TAF4B: variants seen among roughly 807,000 people sequenced by gnomAD.
The protein encoded by TAF4B is transcription initiation factor TFIID subunit 4B.
TAF4B carries 38 observed loss-of-function variants against 86.4 expected under a neutral mutation model. The observed-to-expected ratio is 0.44, with a 90% confidence interval of 0.34 to 0.58. TAF4B has a LOEUF of 0.58. TAF4B is among the 20% of genes least tolerant of loss of function. The pLI is 0.02. For synonymous variants in TAF4B, 388 were observed against 391.2 expected, an observed-to-expected ratio of 0.99 and a Z score of 0.10; for missense variants, 988 against 1,027.6, an observed-to-expected ratio of 0.96 and a Z score of 0.53.
chr18:26,285,217 T>TTTTTGTTTTTGTTTTTGTTTTTG, intron 6 of TAF4B, among the ~76,000 whole-genome samples: 1 of 109,568 alleles, frequency 9.1e-6, no homozygotes, highest in Admixed American at 9.2e-5. Context: ...TTCCTTTTTT[T>TTTTTGTTTTTGTTTTTGTTTTTG]TTTTGTTTTT....
intron 9 of TAF4B, among the ~76,000 whole-genome samples, chr18:26,300,878 G>GT (rs57743777): frequency 0.35 from 53,507 of 150,812 alleles, 11,565 homozygotes; most frequent in East Asian, 0.81. Flanking sequence ...CCTTTTGCTT[G>GT]TTTTTTCCTT....
chr18:26,235,107 A>C (rs1260793843), intron 1 of TAF4B, among the ~76,000 whole-genome samples: 1 of 151,972 alleles, frequency 6.6e-6, no homozygotes, highest in African/African-American at 2.4e-5. Context: ...GTATAAAGAG[A>C]AGTTTTGTCC....
At chr18:26,366,912 C>T (rs193058554) in intron 14 of TAF4B, among the ~76,000 whole-genome samples, 126 of 152,220 alleles carry the variant, frequency 8.3e-4, no homozygotes, top group African/African-American at 2.6e-3. Flanking sequence ...CTTCATTAGT[C>T]CTCACAATTC....
At chr18:26,295,103 A>G (rs2056645819) in intron 9 of TAF4B, 1 of 185,258 alleles carries the variant, frequency 5.4e-6, no homozygotes, top group African/African-American at 2.4e-5. Context: ...ATATATTTTA[A>G]CTGCATAATT....
At chr18:26,360,159 G>C (rs2057319022) in intron 14 of TAF4B, among the ~76,000 whole-genome samples, 1 of 152,068 alleles carries the variant, frequency 6.6e-6, no homozygotes, top group Non-Finnish European at 1.5e-5. Context: ...TGTTGCTCAT[G>C]ATTTTTATTA....
chr18:26,273,762 A>T (rs932171094), intron 3 of TAF4B, among the ~76,000 whole-genome samples: 5 of 152,046 alleles, frequency 3.3e-5, no homozygotes, highest in Non-Finnish European at 7.4e-5. Context: ...AATGTGGGAG[A>T]TTTTATTGTA....
chr18:26,260,082 C>G (rs1257152294), intron 1 of TAF4B, among the ~76,000 whole-genome samples: 1 of 152,200 alleles, frequency 6.6e-6, no homozygotes, highest in East Asian at 1.9e-4. Context: ...TAAATGTCTT[C>G]TTTTGAGAAG....
Position 26,321,213 on chromosome 18 carries a change from A to T in TAF4B, c.2133+13A>T. The T allele has an allele frequency of 6.2e-7, 1 of 1,613,426 alleles. No individual in the cohort carries two copies. Among genetic ancestry groups the T allele is most frequent in the Non-Finnish European group, 8.5e-7 (1 of 1,179,572 alleles). On this transcript the variant is annotated intron_variant, in intron 11 of 14. Transcript: ENST00000269142. ...GACTACTTACAAGGTAAAGGAAATC[A>T]TTAAAGAAGTATAAACTCTCGAGTG...
At chr18:26,302,287 T>TA (rs1317997434) in intron 9 of TAF4B, among the ~76,000 whole-genome samples, 1 of 151,874 alleles carries the variant, frequency 6.6e-6, no homozygotes, top group Admixed American at 6.6e-5. Context: ...GATTAATACT[T>TA]ATGCCTTATT....
chr18:26,315,161 T>TCTCTCTCTCA lies in TAF4B; in HGVS notation c.1833-67_1833-66insTCTCTCTCAC, dbSNP rs1282068871. On this transcript the variant is annotated intron_variant, in intron 9 of 14. Transcript: ENST00000269142. ...CTCTCTCTCTGTCTCTCTCTCTCTC[T>TCTCTCTCTCA]CACACACACACACACACACACACAC... 1.4e-3 allele frequency: 317 copies of TCTCTCTCTCA among 222,876 alleles called. 5 individuals carry two copies. The highest frequency in any genetic ancestry group is 4.5e-3 in the East Asian group (47 of 10,378). The allele number at this position is 222,876 out of a possible 1,614,324, so 13.8% of individuals were successfully genotyped here. A position where few individuals can be genotyped will look rare whatever the true frequency, so the allele number is the denominator to read the frequency against.
At chr18:26,325,016 A>G (rs2056992823) in intron 11 of TAF4B, among the ~76,000 whole-genome samples, 1 of 152,188 alleles carries the variant, frequency 6.6e-6, no homozygotes. Flanking sequence ...AAAAAAGTGA[A>G]ATCCCCCCAT....
intron 14 of TAF4B, among the ~76,000 whole-genome samples, chr18:26,385,804 T>C (rs1978337816): frequency 6.6e-6 from 1 of 151,640 alleles, no homozygotes; most frequent in Admixed American, 6.6e-5. Context: ...GGGAAAGGAC[T>C]TGGTGAGGCA....
At position 26,286,437 on chromosome 18, in the gene TAF4B, C is replaced by T. The variant is rs2056524611; in HGVS notation, c.1528C>T (p.Gln510Ter). Reference sequence around the variant, plus strand: ...GACTCCAGTTCAAATCAAACTTGCCCAGCCGGGCCCTGTCCTTTCACAACC... The same window carrying T: ...GACTCCAGTTCAAATCAAACTTGCCTAGCCGGGCCCTGTCCTTTCACAACC... ...IGTPVQIKLA[Q>*]PGPVLSQPAG... The change falls in exon 7 of 15, where the codon CAG becomes TAG. Residue 510 changes from glutamine to a stop codon, truncating the protein, a stop_gained. Transcript: ENST00000269142. LOFTEE classifies it high-confidence loss of function. The T allele has an allele frequency of 6.2e-7, 1 of 1,614,158 alleles. No homozygotes were observed.
intron 14 of TAF4B, among the ~76,000 whole-genome samples, chr18:26,376,226 C>CAA (rs200383120): frequency 1.3e-3 from 161 of 125,154 alleles, no homozygotes; most frequent in Admixed American, 3.4e-3. Flanking sequence ...TAATTTCAAC[C>CAA]AAAAAAAAAA....
chr18:26,361,015 G>A (rs879866952), intron 14 of TAF4B, among the ~76,000 whole-genome samples: 8 of 152,010 alleles, frequency 5.3e-5, no homozygotes, highest in Admixed American at 4.6e-4. Context: ...AGCACTGCAG[G>A]ACTGCCCAAT....
In TAF4B at chr18:26,390,098, C is replaced by G. The variant is rs1459459934; in HGVS notation, c.*86C>G. 1 of 1,365,978 alleles carries G rather than the reference C, an allele frequency of 7.3e-7. No homozygotes were observed. The highest frequency in any genetic ancestry group is 9.9e-7 in the Non-Finnish European group (1 of 1,011,768). 84.6% of individuals were successfully genotyped at this position (1,365,978 alleles called of 1,614,324 possible). On this transcript the variant is annotated 3_prime_UTR_variant, in exon 15 of 15. Coordinates refer to ENST00000269142, the MANE Select transcript of TAF4B (RefSeq NM_005640.3). ...TTGCACTGTCCTGAAATTTCAATTT[C>G]TGGAAAATAATCACCAACATGAAAG...
rs1349301370 is a variant in TAF4B at position 26,378,107 on chromosome 18, GGGT to G, written c.2422-11733_2422-11731del. 7.2e-5 allele frequency among the ~76,000 whole-genome samples: 11 copies of G among 152,228 alleles called. No homozygotes were observed. The East Asian group carries it at 2.1e-3, about 29-fold the overall frequency. On this transcript the variant is annotated intron_variant, in intron 14 of 14. Coordinates refer to ENST00000269142, the MANE Select transcript of TAF4B (RefSeq NM_005640.3). ...ATGGGGCGTTTGGAAATGTGTGAAGGGGTGGTGTTTTGACACAGTGATTCAGTG... is the reference window on the plus strand; with the variant it reads ...ATGGGGCGTTTGGAAATGTGTGAAGGGGTGTTTTGACACAGTGATTCAGTG...
At chr18:26,308,561 C>A (rs571179247) in intron 9 of TAF4B, among the ~76,000 whole-genome samples, 1 of 152,184 alleles carries the variant, frequency 6.6e-6, no homozygotes, top group South Asian at 2.1e-4. Context: ...TGTGAAAAAT[C>A]TAAAAATTTC....
chr18:26,315,422 G>T, intron 10 of TAF4B, 24 bp downstream of exon 10: 1 of 1,551,326 alleles, frequency 6.4e-7, no homozygotes, highest in South Asian at 1.2e-5. Flanking sequence ...TATGATTATT[G>T]ACCTGATAGA....
Sources: gnomAD v4.1 joint callset for allele counts (sites outside exome capture counted in the v4.1 genomes callset) on GRCh38, gnomAD v4.1.1 for gene constraint, MANE v1.5 for transcripts, NCBI Gene and HGNC (gene_info 2026-07-23, HGNC 2026-07-21) for gene names.